FRMD4A: variants seen among roughly 807,000 people sequenced by gnomAD.
The protein encoded by FRMD4A is FERM domain containing 4A.
FRMD4A carries 29 observed loss-of-function variants against 129.1 expected under a neutral mutation model. The ratio of observed to expected loss-of-function variants is 0.22; its 90% CI spans 0.17 to 0.31. The LOEUF (loss-of-function observed/expected upper bound fraction) is 0.31. Ranked by LOEUF, FRMD4A falls within the 10% of genes least tolerant of loss-of-function variation. The probability of loss-of-function intolerance (pLI) is 1.00; values close to 1 mark genes in which losing one functional copy is unlikely to be tolerated. For missense variants in FRMD4A, 1,272 were observed against 1,375.8 expected, an observed-to-expected ratio of 0.92 and a Z score of 1.19; for synonymous variants, 634 against 571.6, an observed-to-expected ratio of 1.11 and a Z score of -1.56.
At chr10:13,711,108 G>A (rs915573864) in intron 12 of FRMD4A, among the ~76,000 whole-genome samples, 2 of 152,248 alleles carry the variant, frequency 1.3e-5, no homozygotes, top group African/African-American at 4.8e-5. Flanking sequence ...ACTTAGGAGG[G>A]AGGGGGTGAG....
At chr10:13,700,221 T>C (rs1288120324) in intron 14 of FRMD4A, among the ~76,000 whole-genome samples, 1 of 151,982 alleles carries the variant, frequency 6.6e-6, no homozygotes, top group Non-Finnish European at 1.5e-5. Context: ...GCGCTGAGAC[T>C]ACAGATGTGA....
intron 2 of FRMD4A, among the ~76,000 whole-genome samples, chr10:14,257,326 G>A (rs1844651546): frequency 1.3e-5 from 2 of 152,100 alleles, no homozygotes; most frequent in Non-Finnish European, 2.9e-5. Context: ...GCAAGACCCT[G>A]TCTCAAATAA....
chr10:14,023,229 G>T (rs1832840650), intron 2 of FRMD4A, among the ~76,000 whole-genome samples: 1 of 152,122 alleles, frequency 6.6e-6, no homozygotes, highest in Admixed American at 6.5e-5. Flanking sequence ...CAGAATGAAT[G>T]CGAGTCGCCC....
At chr10:14,120,706 T>C (rs550301795) in intron 2 of FRMD4A, among the ~76,000 whole-genome samples, 1 of 152,182 alleles carries the variant, frequency 6.6e-6, no homozygotes, top group Non-Finnish European at 1.5e-5. Context: ...TCTAGTTTTT[T>C]GGGGAGCAGA....
intron 2 of FRMD4A, among the ~76,000 whole-genome samples, chr10:13,885,111 G>T (rs986531837): frequency 1.4e-4 from 22 of 152,206 alleles, no homozygotes; most frequent in African/African-American, 5.1e-4. Context: ...CTTGCCTAAT[G>T]CAGTAGCTCA....
At chr10:14,001,430 G>A (rs1419156054) in intron 2 of FRMD4A, among the ~76,000 whole-genome samples, 1 of 152,176 alleles carries the variant, frequency 6.6e-6, no homozygotes, top group Non-Finnish European at 1.5e-5. Context: ...AAACGCCTGG[G>A]AGTCCTGACC....
intron 3 of FRMD4A, among the ~76,000 whole-genome samples, chr10:13,828,776 C>A (rs1484432142): frequency 1.3e-5 from 2 of 152,192 alleles, no homozygotes; most frequent in African/African-American, 4.8e-5. Context: ...AGGTGATCCG[C>A]CCGCCTTGGC....
At chr10:13,954,698 G>T (rs2131343048) in intron 2 of FRMD4A, among the ~76,000 whole-genome samples, 1 of 152,260 alleles carries the variant, frequency 6.6e-6, no homozygotes, top group African/African-American at 2.4e-5. Flanking sequence ...CCTATGCTCT[G>T]TGGCTGGCAG....
intron 2 of FRMD4A, among the ~76,000 whole-genome samples, chr10:14,081,469 T>C (rs1157476263): frequency 6.6e-6 from 1 of 152,116 alleles, no homozygotes; most frequent in Non-Finnish European, 1.5e-5. Context: ...AGTGGCAGAA[T>C]TGAGTGGGAA....
intron 2 of FRMD4A, among the ~76,000 whole-genome samples, chr10:13,871,482 G>C (rs957902890): frequency 6.6e-6 from 1 of 152,172 alleles, no homozygotes; most frequent in Non-Finnish European, 1.5e-5. Context: ...TACCCCACTG[G>C]ACAGATACTG....
intron 15 of FRMD4A, among the ~76,000 whole-genome samples, chr10:13,687,326 T>C (rs1199262549): frequency 6.6e-6 from 1 of 152,172 alleles, no homozygotes; most frequent in African/African-American, 2.4e-5. Flanking sequence ...GAATGAGCTG[T>C]TCTCTGATGG....
At chr10:14,056,539 T>A (rs1193997219) in intron 2 of FRMD4A, among the ~76,000 whole-genome samples, 2 of 152,172 alleles carry the variant, frequency 1.3e-5, no homozygotes, top group African/African-American at 4.8e-5. Flanking sequence ...CCATTAAACA[T>A]CCTCACTTCC....
chr10:14,102,240 C>T (rs1042578257), intron 2 of FRMD4A, among the ~76,000 whole-genome samples: 14 of 152,282 alleles, frequency 9.2e-5, no homozygotes, highest in African/African-American at 3.1e-4. Context: ...TCAACAGATG[C>T]ACTGGGCCAG....
At chr10:13,659,667 C>T (rs1002224051) in intron 20 of FRMD4A, among the ~76,000 whole-genome samples, 177 bp from the exon 21 acceptor site, 9 of 151,614 alleles carry the variant, frequency 5.9e-5, no homozygotes, top group Non-Finnish European at 1.3e-4. Context: ...GGTATGCCCT[C>T]CCCCCTCCCA....
chr10:13,920,493 T>C (rs1425136382), intron 2 of FRMD4A, among the ~76,000 whole-genome samples: 2 of 152,266 alleles, frequency 1.3e-5, no homozygotes, highest in African/African-American at 4.8e-5. Flanking sequence ...GAATTCTTTC[T>C]AGGTAGTAAG....
chr10:14,229,087 GT>G (rs557316285), intron 2 of FRMD4A, among the ~76,000 whole-genome samples: 93 of 146,314 alleles, frequency 6.4e-4, no homozygotes, highest in East Asian at 4.6e-3. Context: ...GTTTTTTCTT[GT>G]TTTTTTTTTG....
intron 2 of FRMD4A, among the ~76,000 whole-genome samples, chr10:13,906,917 C>T (rs1308809803): frequency 1.3e-5 from 2 of 152,208 alleles, no homozygotes; most frequent in Non-Finnish European, 2.9e-5. Context: ...GAATGCCCGT[C>T]AGTCACATCT....
At chr10:13,886,124 T>C (rs1468313043) in intron 2 of FRMD4A, among the ~76,000 whole-genome samples, 1 of 152,180 alleles carries the variant, frequency 6.6e-6, no homozygotes, top group African/African-American at 2.4e-5. Flanking sequence ...GAGAGCGTAA[T>C]GGTACATTTT....
chr10:14,038,946 C>T (rs1218438230), intron 2 of FRMD4A, among the ~76,000 whole-genome samples: 1 of 152,198 alleles, frequency 6.6e-6, no homozygotes, highest in Non-Finnish European at 1.5e-5. Context: ...TTCAGGACAC[C>T]ATTTCTTGAG....
Sources: allele counts gnomAD v4.1 joint callset (sites outside exome capture counted in the v4.1 genomes callset), GRCh38; gene constraint gnomAD v4.1.1; transcripts MANE v1.5; gene names NCBI Gene and HGNC (gene_info 2026-07-23, HGNC 2026-07-21).